Variants in CACNB2 observed in about 807,000 individuals in gnomAD.
The protein encoded by CACNB2 is voltage-dependent L-type calcium channel subunit beta-2.
CACNB2 carries 42 observed loss-of-function variants against 73.3 expected under a neutral mutation model. The observed-to-expected ratio is 0.57, with a 90% CI of 0.45 to 0.74. CACNB2 has a LOEUF of 0.74. Ranked by LOEUF, CACNB2 falls within the 30% of genes least tolerant of loss-of-function variation. The probability of loss-of-function intolerance (pLI) is 0.00; values close to 1 mark genes in which losing one functional copy is unlikely to be tolerated. For synonymous variants in CACNB2, 348 were observed against 310.3 expected, an observed-to-expected ratio of 1.12 and a Z score of -1.28; for missense variants, 940 against 853.0, an observed-to-expected ratio of 1.10 and a Z score of -1.27.
At chr10:18,143,529 C>G (rs182882177) in intron 1 of CACNB2, among the ~76,000 whole-genome samples, 109 of 152,348 alleles carry the variant, frequency 7.2e-4, no homozygotes, top group African/African-American at 1.1e-3. Flanking sequence ...TCCTTGCTTT[C>G]TCTGCCTTCC....
intron 2 of CACNB2, among the ~76,000 whole-genome samples, chr10:18,356,744 T>A (rs2041923695): frequency 6.6e-6 from 1 of 151,612 alleles, no homozygotes. Context: ...AATCCTCCCA[T>A]CTCAGCCTCC....
At chr10:18,510,612 T>C (rs1036223007) in intron 6 of CACNB2, among the ~76,000 whole-genome samples, 15 of 152,192 alleles carry the variant, frequency 9.9e-5, no homozygotes, top group Admixed American at 2.6e-4. Flanking sequence ...CTCACTCTTA[T>C]TTTAAAAAAC....
intron 2 of CACNB2, among the ~76,000 whole-genome samples, chr10:18,344,797 CAGA>C (rs2041379836): frequency 6.6e-6 from 1 of 152,136 alleles, no homozygotes; most frequent in African/African-American, 2.4e-5. Context: ...TAAAATAAAA[CAGA>C]AGAAATATTA....
At chr10:18,428,555 G>A (rs1051768696) in intron 3 of CACNB2, among the ~76,000 whole-genome samples, 8 of 151,898 alleles carry the variant, frequency 5.3e-5, no homozygotes, top group East Asian at 1.9e-4. Flanking sequence ...ACGTGGTGGC[G>A]GACACCTGTA....
At chr10:18,525,321 T>A (rs998845952) in intron 9 of CACNB2, among the ~76,000 whole-genome samples, 5 of 152,202 alleles carry the variant, frequency 3.3e-5, no homozygotes, top group Non-Finnish European at 5.9e-5. Context: ...GTCAAAAACC[T>A]TCTCATTTCC....
chr10:18,211,557 C>A (rs780423304), intron 2 of CACNB2, among the ~76,000 whole-genome samples: 4 of 152,086 alleles, frequency 2.6e-5, no homozygotes, highest in Non-Finnish European at 5.9e-5. Flanking sequence ...ATTTCTTAAA[C>A]CAGTTCTGTG....
chr10:18,342,746 T>C (rs1325381051), intron 2 of CACNB2, among the ~76,000 whole-genome samples: 1 of 152,152 alleles, frequency 6.6e-6, no homozygotes, highest in Non-Finnish European at 1.5e-5. Context: ...ATTCAGTCTT[T>C]CTCAAAGTTC....
chr10:18,236,713 A>G (rs1204059905), intron 2 of CACNB2, among the ~76,000 whole-genome samples: 1 of 151,858 alleles, frequency 6.6e-6, no homozygotes, highest in Admixed American at 6.6e-5. Flanking sequence ...CTCATAATCT[A>G]CCTGCCATTT....
intron 2 of CACNB2, among the ~76,000 whole-genome samples, chr10:18,217,356 C>T (rs1007215995): frequency 2.6e-5 from 4 of 151,952 alleles, no homozygotes; most frequent in South Asian, 2.1e-4. Flanking sequence ...GAGTGGTGTG[C>T]GCCTATAGAC....
intron 3 of CACNB2, among the ~76,000 whole-genome samples, chr10:18,410,430 A>G (rs758422836): frequency 1.3e-5 from 2 of 152,346 alleles, no homozygotes; most frequent in African/African-American, 2.4e-5. Context: ...GATTGAGAGA[A>G]TTCCCCTAAC....
intron 3 of CACNB2, among the ~76,000 whole-genome samples, chr10:18,416,238 C>T (rs1037030752): frequency 6.6e-6 from 1 of 152,194 alleles, no homozygotes; most frequent in African/African-American, 2.4e-5. Flanking sequence ...TGGCTTATCT[C>T]AGCATGATAT....
At chr10:18,218,422 C>T (rs1018352895) in intron 2 of CACNB2, among the ~76,000 whole-genome samples, 2 of 152,160 alleles carry the variant, frequency 1.3e-5, no homozygotes, top group Non-Finnish European at 2.9e-5. Flanking sequence ...TCCCAAGAGA[C>T]ATTAAATGTT....
intron 3 of CACNB2, among the ~76,000 whole-genome samples, chr10:18,456,885 A>G (rs1022363637): frequency 6.6e-6 from 1 of 152,028 alleles, no homozygotes; most frequent in African/African-American, 2.4e-5. Flanking sequence ...GGTTTATTTG[A>G]TTCATCTATT....
At chr10:18,295,380 C>T (rs976030186) in intron 2 of CACNB2, among the ~76,000 whole-genome samples, 1 of 152,150 alleles carries the variant, frequency 6.6e-6, no homozygotes, top group South Asian at 2.1e-4. Context: ...CCACACTAAC[C>T]AAGTTTGTTG....
chr10:18,188,028 C>T (rs186844214), intron 2 of CACNB2, among the ~76,000 whole-genome samples: 1 of 152,160 alleles, frequency 6.6e-6, no homozygotes. Context: ...AGAGTAGGAT[C>T]TGCTTGGTGA....
At chr10:18,458,459 A>G (rs1306696046) in intron 3 of CACNB2, among the ~76,000 whole-genome samples, 1 of 152,226 alleles carries the variant, frequency 6.6e-6, no homozygotes, top group Non-Finnish European at 1.5e-5. Flanking sequence ...TGCTCAGTAC[A>G]TACTAGTACT....
intron 3 of CACNB2, among the ~76,000 whole-genome samples, chr10:18,431,145 C>A (rs1364850402): frequency 6.6e-6 from 1 of 151,766 alleles, no homozygotes; most frequent in African/African-American, 2.4e-5. Flanking sequence ...CTACATCTGG[C>A]TAATTTTTAA....
At chr10:18,149,687 T>C (rs528232688) in intron 1 of CACNB2, among the ~76,000 whole-genome samples, 132 of 152,284 alleles carry the variant, frequency 8.7e-4, no homozygotes, top group Admixed American at 6.5e-3. Flanking sequence ...TTTGAGAACC[T>C]GAATGTGATG....
At position 18,499,646 on chromosome 10, in the gene CACNB2, A is replaced by G. The variant is rs1213243024; in HGVS notation, c.457-1166A>G. Among the ~76,000 whole-genome samples, 15 of 143,308 alleles carry G rather than the reference A, an allele frequency of 1.0e-4. 1 individual carries two copies. Among genetic ancestry groups the G allele is most frequent in the African/African-American group, 5.2e-5 (2 of 38,776 alleles). 94.0% of individuals were successfully genotyped at this position (143,308 alleles called of 152,430 possible). On this transcript the variant is annotated intron_variant, in intron 4 of 13. Transcript: ENST00000324631. Reference sequence around the variant, plus strand: ...AAAAAAAAAAAAAAAAAAAGAACCTAGAAGCCTGGGTACTATGGCTCATGC... The same window carrying G: ...AAAAAAAAAAAAAAAAAAAGAACCTGGAAGCCTGGGTACTATGGCTCATGC...
Sources: gnomAD v4.1 joint callset for allele counts (sites outside exome capture counted in the v4.1 genomes callset) on GRCh38, gnomAD v4.1.1 for gene constraint, MANE v1.5 for transcripts, NCBI Gene and HGNC (gene_info 2026-07-23, HGNC 2026-07-21) for gene names.